Variants in SENP6 observed in about 807,000 individuals in gnomAD.
The protein encoded by SENP6 is sentrin-specific protease 6.
SENP6 carries 41 observed loss-of-function variants against 134.5 expected under a neutral mutation model. That is an observed-to-expected ratio of 0.30 (90% confidence interval 0.24 to 0.40). SENP6 has a LOEUF of 0.40. Among genes scored for constraint, SENP6 ranks in the 10% least tolerant of loss-of-function variants. The pLI, the probability that SENP6 is intolerant of heterozygous loss-of-function variation, is 1.00. For synonymous variants in SENP6, 395 were observed against 429.8 expected (o/e 0.92, Z 1.00); for missense variants, 1,248 against 1,312.5 (o/e 0.95, Z 0.76).
At chr6:75,689,699 C>T (rs1029930243) in intron 16 of SENP6, among the ~76,000 whole-genome samples, 2 of 152,146 alleles carry the variant, frequency 1.3e-5, no homozygotes, top group East Asian at 1.9e-4. Context: ...CATTGTGTCA[C>T]AGTTGCCTAT....
At chr6:75,706,733 A>G (rs1775427752) in intron 19 of SENP6, among the ~76,000 whole-genome samples, 1 of 152,216 alleles carries the variant, frequency 6.6e-6, no homozygotes, top group Non-Finnish European at 1.5e-5. Flanking sequence ...ATGTTTCACA[A>G]AAAATCACAT....
chr6:75,622,826 T>C (rs1438688463), intron 2 of SENP6: 2 of 1,288,370 alleles, frequency 1.6e-6, no homozygotes, highest in Non-Finnish European at 2.0e-6. Context: ...AGATGTTGAT[T>C]TGAAGTTTTA....
In SENP6 at chr6:75,713,792, A is replaced by G. The variant is rs772269977; in HGVS notation, c.3096A>G (p.Val1032=). The G allele has an allele frequency of 1.9e-6, 3 of 1,613,232 alleles. No individual in the cohort carries two copies. The highest frequency in any genetic ancestry group is 2.5e-6 in the Non-Finnish European group (3 of 1,179,486). ...PQQNNFSDCG[V]YVLQYVESFF... Reference sequence around the variant, plus strand: ...AAAACAACTTCAGTGACTGTGGTGTATATGTATTGCAGTATGTAGAGAGCT... The same window carrying G: ...AAAACAACTTCAGTGACTGTGGTGTGTATGTATTGCAGTATGTAGAGAGCT... The change falls in exon 23 of 24, where the codon GTA becomes GTG. Residue 1032 remains valine (V), a synonymous_variant. Coordinates refer to ENST00000447266, the MANE Select transcript of SENP6 (RefSeq NM_015571.4).
intron 3 of SENP6, among the ~76,000 whole-genome samples, chr6:75,627,152 G>A (rs2149833479): frequency 6.6e-6 from 1 of 152,102 alleles, no homozygotes; most frequent in South Asian, 2.1e-4. Flanking sequence ...AGTAGAGCTG[G>A]GGTTTCACCA....
At position 75,670,560 on chromosome 6, in the gene SENP6, A is replaced by G. The variant is rs928630649; in HGVS notation, c.1232A>G (p.Asn411Ser). Reference sequence around the variant, plus strand: ...TTTTCTTTTCCTTTTTAGTTTGGCAATTCTATTATCAACACACCTCTGAAA... The same window carrying G: ...TTTTCTTTTCCTTTTTAGTTTGGCAGTTCTATTATCAACACACCTCTGAAA... ...RKARMKDQFG[N>S]SIINTPLKRR... The change falls in exon 11 of 24, where the codon AAT becomes AGT. Residue 411 changes from asparagine (N) to serine (S), a missense_variant. This residue lies in a region of SENP6 where 733 missense variants were observed against 725.4 expected (regional missense o/e 1.01). Coordinates refer to ENST00000447266, the MANE Select transcript of SENP6 (RefSeq NM_015571.4). 1.9e-6 allele frequency: 3 copies of G among 1,599,684 alleles called. No individual in the cohort carries two copies. The highest frequency in any genetic ancestry group is 2.2e-5 in the East Asian group (1 of 44,656).
At chr6:75,603,216 TACTC>T (rs1269972782) in intron 1 of SENP6, among the ~76,000 whole-genome samples, 6 of 152,242 alleles carry the variant, frequency 3.9e-5, no homozygotes, top group African/African-American at 7.2e-5. Context: ...ATTTGAGTTT[TACTC>T]ACTCGTGAGG....
intron 21 of SENP6, 61 bp downstream of exon 21, chr6:75,711,477 A>C: frequency 9.2e-7 from 1 of 1,092,284 alleles, no homozygotes; most frequent in Non-Finnish European, 1.3e-6. Context: ...ATAAAACATA[A>C]CAGGACAGTT....
Position 75,717,915 on chromosome 6 carries a change from A to G in SENP6, c.*2321A>G, listed in dbSNP as rs1315189697. The G allele has an allele frequency of 1.3e-5, 2 of 152,200 alleles. No individual in the cohort carries two copies. The highest frequency in any genetic ancestry group is 2.9e-5 in the Non-Finnish European group (2 of 68,014). 9.4% of individuals were successfully genotyped at this position (152,200 alleles called of 1,614,324 possible). The stretch of plus-strand genomic sequence containing the variant: ...TCTCAGCTCTTGTTGGTTTAGGAGC[A>G]GAAGTGGTGTTTAGTCCCTTCCCGT... On this transcript the variant is annotated 3_prime_UTR_variant, in exon 24 of 24. Transcript: ENST00000447266.
chr6:75,655,578 TTC>T (rs1771255845), intron 7 of SENP6, among the ~76,000 whole-genome samples: 1 of 152,234 alleles, frequency 6.6e-6, no homozygotes, highest in Non-Finnish European at 1.5e-5. Flanking sequence ...TATGTGAGGC[TTC>T]TTTCATTCAG....
At chr6:75,690,964 A>T (rs558144028) in intron 16 of SENP6, among the ~76,000 whole-genome samples, 8 of 150,496 alleles carry the variant, frequency 5.3e-5, no homozygotes, top group Non-Finnish European at 1.0e-4. Context: ...TCAGCTTCCC[A>T]AAGTGCTGGG....
chr6:75,647,438 A>C, intron 6 of SENP6: 1 of 228,902 alleles, frequency 4.4e-6, no homozygotes, highest in Non-Finnish European at 8.7e-6. Flanking sequence ...ACGATTGCTG[A>C]TCTTGTACGT....
At chr6:75,657,441 A>G (rs1156826105) in intron 7 of SENP6, among the ~76,000 whole-genome samples, 2 of 152,194 alleles carry the variant, frequency 1.3e-5, no homozygotes, top group East Asian at 3.8e-4. Context: ...CTCTCTGGCC[A>G]GAGGCTAAGT....
chr6:75,638,526 A>G (rs1266754407), intron 5 of SENP6, among the ~76,000 whole-genome samples: 12 of 140,910 alleles, frequency 8.5e-5, no homozygotes, highest in African/African-American at 2.8e-4. Flanking sequence ...GGATAAGAAA[A>G]ATGAGCATTG....
chr6:75,602,632 C>G (rs1440565165), intron 1 of SENP6, 56 bp downstream of exon 1: 1 of 1,502,354 alleles, frequency 6.7e-7, no homozygotes, highest in Non-Finnish European at 9.1e-7. Flanking sequence ...GAAAACGTGG[C>G]CCCCAGAACC....
At chr6:75,671,495 G>A (rs943173091) in intron 11 of SENP6, among the ~76,000 whole-genome samples, 3 of 152,168 alleles carry the variant, frequency 2.0e-5, no homozygotes, top group South Asian at 2.1e-4. Context: ...AGGCCAAGGC[G>A]GCTGGATCAC....
At position 75,663,447 on chromosome 6, in the gene SENP6, C is replaced by G. The variant is rs1771933184; in HGVS notation, c.923C>G (p.Pro308Arg). 1 of 1,612,930 alleles carries G rather than the reference C, an allele frequency of 6.2e-7. No homozygotes were observed. Reference protein sequence around the residue: ...YLQTNGKVILPGAKIPKITNL... With the variant: ...YLQTNGKVILRGAKIPKITNL... ...CAGACTAATGGAAAAGTCATTTTACCTGGGGCAAAAATACCCAAAATCACA... is the reference window on the plus strand; with the variant it reads ...CAGACTAATGGAAAAGTCATTTTACGTGGGGCAAAAATACCCAAAATCACA... The change falls in exon 9 of 24, where the codon CCT (proline) becomes CGT (arginine). Residue 308 changes from proline (P) to arginine (R), a missense_variant. By Grantham distance (103) the Pro-to-Arg change is moderately radical (BLOSUM62 -2). Coordinates refer to ENST00000447266, the MANE Select transcript of SENP6 (RefSeq NM_015571.4).
rs920828138 is a variant in SENP6 at position 75,717,287 on chromosome 6, C to T, written c.*1693C>T. ...TGGCATACATAATTTTTTTAATGAA[C>T]TATATTTTGTCAGAATCTGAAGGTA... is the stretch of plus-strand genomic sequence containing the variant. On this transcript the variant is annotated 3_prime_UTR_variant, in exon 24 of 24. Coordinates refer to ENST00000447266, the MANE Select transcript of SENP6 (RefSeq NM_015571.4). The T allele has an allele frequency of 6.6e-6, 1 of 151,686 alleles. No individual in the cohort carries two copies. Among genetic ancestry groups the T allele is most frequent in the Admixed American group, 6.6e-5 (1 of 15,230 alleles). 9.4% of individuals were successfully genotyped at this position (151,686 alleles called of 1,614,324 possible). A position where few individuals can be genotyped will look rare whatever the true frequency, so the allele number is the denominator to read the frequency against.
chr6:75,670,944 G>A (rs1321824756), intron 11 of SENP6, among the ~76,000 whole-genome samples: 2 of 149,408 alleles, frequency 1.3e-5, no homozygotes, highest in Admixed American at 1.3e-4. Context: ...TGCCAGCTTC[G>A]TGCATGAAAC....
At position 75,705,924 on chromosome 6, in the gene SENP6, CCTTTT is replaced by C. The variant is rs1256849335; in HGVS notation, c.2716+2853_2716+2857del. On this transcript the variant is annotated intron_variant, in intron 19 of 23. Coordinates refer to ENST00000447266, the MANE Select transcript of SENP6 (RefSeq NM_015571.4). ...AGTGAGTTAGAAAGCTATTTTTGAGCCTTTTTTTTTTTTTTTTTTTTTTTTTTTTT... is the reference window on the plus strand; with the variant it reads ...AGTGAGTTAGAAAGCTATTTTTGAGCTTTTTTTTTTTTTTTTTTTTTTTTT... 1.9e-3 allele frequency among the ~76,000 whole-genome samples: 171 copies of C among 89,278 alleles called. 22 individuals are homozygous for C. Among genetic ancestry groups the C allele is most frequent in the Middle Eastern group, 7.1e-3 (1 of 140 alleles). 58.6% of individuals were successfully genotyped at this position (89,278 alleles called of 152,430 possible). A position where few individuals can be genotyped will look rare whatever the true frequency, so the allele number is the denominator to read the frequency against.
Sources: gnomAD v4.1 joint callset for allele counts (sites outside exome capture counted in the v4.1 genomes callset) on GRCh38, gnomAD v4.1.1 for gene constraint, gnomAD v4.1.1 regional missense constraint, MANE v1.5 for transcripts, NCBI Gene and HGNC (gene_info 2026-07-23, HGNC 2026-07-21) for gene names.